FGF14: variants seen among roughly 807,000 people sequenced by gnomAD.
The protein encoded by FGF14 is fibroblast growth factor 14.
In FGF14, 5 loss-of-function variants were observed where a neutral mutation model predicts 25.5. That is an observed-to-expected ratio of 0.20 (90% CI 0.10 to 0.41). The LOEUF is 0.41. Ranked by LOEUF, FGF14 falls within the 10% of genes least tolerant of loss-of-function variation. The pLI is 1.00. For missense variants in FGF14, 222 were observed against 320.1 expected, an observed-to-expected ratio of 0.69 and a Z score of 2.34; for synonymous variants, 138 against 118.3, an observed-to-expected ratio of 1.17 and a Z score of -1.08.
intron 3 of FGF14, among the ~76,000 whole-genome samples, chr13:101,784,127 C>T (rs1315066061): frequency 6.6e-6 from 1 of 152,094 alleles, no homozygotes; most frequent in East Asian, 1.9e-4. Flanking sequence ...TCTTTGTTTC[C>T]TGATTCCTCT....
At chr13:101,872,720 G>C (rs1000094602) in intron 2 of FGF14, among the ~76,000 whole-genome samples, 1 of 151,968 alleles carries the variant, frequency 6.6e-6, no homozygotes, top group East Asian at 1.9e-4. Flanking sequence ...TTTGAGGAGG[G>C]AATATTGATT....
At chr13:102,163,116 C>A (rs2047850912) in intron 1 of FGF14, among the ~76,000 whole-genome samples, 1 of 152,146 alleles carries the variant, frequency 6.6e-6, no homozygotes, top group African/African-American at 2.4e-5. Flanking sequence ...TCCAGTGCTT[C>A]CAAACATAGC....
chr13:101,889,752 A>G (rs2046176782), intron 1 of FGF14, among the ~76,000 whole-genome samples: 1 of 152,226 alleles, frequency 6.6e-6, no homozygotes, highest in Non-Finnish European at 1.5e-5. Context: ...GAAAATCTGC[A>G]TCTGAGAACG....
chr13:101,813,363 G>C (rs1227279427), intron 3 of FGF14, among the ~76,000 whole-genome samples: 1 of 152,078 alleles, frequency 6.6e-6, no homozygotes, highest in Non-Finnish European at 1.5e-5. Context: ...GGATAGAAAT[G>C]GGGCTCTAGT....
intron 1 of FGF14, among the ~76,000 whole-genome samples, chr13:102,285,813 G>C (rs1197722899): frequency 6.6e-6 from 1 of 152,206 alleles, no homozygotes; most frequent in Non-Finnish European, 1.5e-5. Flanking sequence ...GAAGCAAAGA[G>C]AAAGAAAGTA....
At chr13:101,957,631 T>A (rs1218867261) in intron 1 of FGF14, among the ~76,000 whole-genome samples, 1 of 152,204 alleles carries the variant, frequency 6.6e-6, no homozygotes, top group Non-Finnish European at 1.5e-5. Flanking sequence ...TTTGAGCAGA[T>A]CTAACTCAGA....
intron 1 of FGF14, among the ~76,000 whole-genome samples, chr13:102,209,085 C>A (rs892911928): frequency 6.6e-6 from 1 of 152,264 alleles, no homozygotes; most frequent in African/African-American, 2.4e-5. Flanking sequence ...TGCGAGGACG[C>A]GAGGAAGGCA....
intron 1 of FGF14, among the ~76,000 whole-genome samples, chr13:102,114,786 A>T (rs1226471117): frequency 6.6e-6 from 1 of 152,148 alleles, no homozygotes; most frequent in Non-Finnish European, 1.5e-5. Flanking sequence ...AGTCAAATTC[A>T]TAGAATCAGG....
In FGF14 at chr13:101,834,347, C is replaced by T. The variant is rs76944460; in HGVS notation, c.408+34378G>A. ...CCTTGACTATGTCTCATTTCACAAA[C>T]GAAATGACACATTCCAAATCAAACC... On this transcript the variant is annotated intron_variant, in intron 3 of 4. Transcript: ENST00000376143. Among the ~76,000 whole-genome samples the T allele has an allele frequency of 7.1e-3, 1,073 of 152,082 alleles. 6 individuals are homozygous for T. The highest frequency in any genetic ancestry group is 0.011 in the Non-Finnish European group (780 of 67,962).
intron 1 of FGF14, among the ~76,000 whole-genome samples, chr13:101,989,573 A>G (rs2038784382): frequency 6.6e-6 from 1 of 152,160 alleles, no homozygotes; most frequent in South Asian, 2.1e-4. Context: ...TTTAATAAAT[A>G]AAGTTTTCAT....
chr13:101,744,262 T>A (rs1220723376), intron 3 of FGF14, among the ~76,000 whole-genome samples: 1 of 151,998 alleles, frequency 6.6e-6, no homozygotes, highest in Non-Finnish European at 1.5e-5. Flanking sequence ...ATCCTACAGA[T>A]CTACATCCAG....
intron 1 of FGF14, among the ~76,000 whole-genome samples, chr13:102,398,365 A>G (rs922360821): frequency 6.6e-6 from 1 of 152,160 alleles, no homozygotes; most frequent in South Asian, 2.1e-4. Context: ...CTGAAATTCC[A>G]CGAATGCTTG....
intron 1 of FGF14, among the ~76,000 whole-genome samples, chr13:101,964,141 G>A (rs899147157): frequency 7.2e-5 from 11 of 152,128 alleles, no homozygotes; most frequent in African/African-American, 2.7e-4. Context: ...TTTATATACA[G>A]TATTGAATAA....
intron 3 of FGF14, among the ~76,000 whole-genome samples, chr13:101,729,414 T>A (rs2035657772): frequency 6.6e-6 from 1 of 152,154 alleles, no homozygotes; most frequent in Non-Finnish European, 1.5e-5. Context: ...TGCTATTTGA[T>A]GTCATAAGTG....
intron 3 of FGF14, among the ~76,000 whole-genome samples, chr13:101,752,716 TA>T (rs947233323): frequency 1.3e-5 from 2 of 152,204 alleles, no homozygotes; most frequent in African/African-American, 2.4e-5. Context: ...ATGTTCTCTC[TA>T]TTTTTTCCCT....
intron 1 of FGF14, among the ~76,000 whole-genome samples, chr13:102,071,092 A>G (rs2043136151): frequency 6.6e-6 from 1 of 152,230 alleles, no homozygotes; most frequent in Non-Finnish European, 1.5e-5. Context: ...AATCAGCCAA[A>G]GTACTTTCTC....
At chr13:101,897,606 T>A (rs575955317) in intron 1 of FGF14, among the ~76,000 whole-genome samples, 1 of 152,338 alleles carries the variant, frequency 6.6e-6, no homozygotes, top group African/African-American at 2.4e-5. Context: ...CACACAAATC[T>A]TTATTAGAGA....
intron 3 of FGF14, among the ~76,000 whole-genome samples, chr13:101,734,328 A>G (rs2036026555): frequency 6.6e-6 from 1 of 152,216 alleles, no homozygotes; most frequent in African/African-American, 2.4e-5. Flanking sequence ...ATTAGTACAA[A>G]ATTTATAAAA....
rs1337239005 is a variant in FGF14, at chr13:102,400,182, C to T, written c.208+1289G>A. ...TGGAGGGCAGCAGCCACTTGCTGCC[C>T]CAGTCGCTGGGGCTCTGGGTGCCAG... On this transcript the variant is annotated intron_variant, in intron 1 of 4. Transcript: ENST00000376131. This position sits in a 1 kb window ranked among gnomAD's most constrained non-coding sequence, Gnocchi z 4.3. 6.6e-6 allele frequency among the ~76,000 whole-genome samples: 1 copy of T among 152,114 alleles called. No homozygotes were observed. Among genetic ancestry groups the T allele is most frequent in the African/African-American group, 2.4e-5 (1 of 41,428 alleles).
Sources: allele counts gnomAD v4.1 joint callset (sites outside exome capture counted in the v4.1 genomes callset), GRCh38; gene constraint gnomAD v4.1.1; non-coding constraint Gnocchi (gnomAD v3.1); transcripts MANE v1.5; gene names NCBI Gene and HGNC (gene_info 2026-07-23, HGNC 2026-07-21).